Variants in MAX observed in about 807,000 individuals in gnomAD.
MAX encodes the protein protein max.
Under a neutral mutation model 22.3 loss-of-function variants are expected in MAX, and 3 were observed. That is an observed-to-expected ratio of 0.13 (90% CI 0.06 to 0.35). The LOEUF (loss-of-function observed/expected upper bound fraction) is 0.35. MAX is among the 10% of genes least tolerant of loss of function. MAX has a pLI of 1.00. For synonymous variants in MAX, 72 were observed against 77.7 expected, an observed-to-expected ratio of 0.93 and a Z score of 0.39; for missense variants, 119 against 209.4, an observed-to-expected ratio of 0.57 and a Z score of 2.66.
At chr14:65,071,410 C>CCAAGTATT (rs2062987453), downstream of MAX, among the ~76,000 whole-genome samples, 2 of 152,194 alleles carry the variant, frequency 1.3e-5, no homozygotes, top group African/African-American at 4.8e-5. The surrounding 1 kb of genome is among the most constrained non-coding windows in gnomAD (Gnocchi z 4.2). Context: ...TCCCAAAGTG[C>CCAAGTATT]TGATATTACA....
chr14:65,019,225 G>A (rs1186160968), intron 3 of MAX, among the ~76,000 whole-genome samples: 1 of 151,920 alleles, frequency 6.6e-6, no homozygotes, highest in Non-Finnish European at 1.5e-5. Flanking sequence ...AGTGGCTCAT[G>A]GCTGTAATCC....
Position 65,093,610 on chromosome 14 carries a change from G to T in MAX, c.171+98C>A. ...GCAACCATGCTACCTGAATATCTCT[G>T]ACTACATTTCCTTCCCAATAGGTGA... On this transcript the variant is annotated intron_variant, in intron 3 of 4. Transcript: ENST00000358664. The surrounding 1 kb of genome is among the most constrained non-coding windows in gnomAD (Gnocchi z 4.4). 1 of 763,366 alleles carries T rather than the reference G, an allele frequency of 1.3e-6. No individual in the cohort carries two copies. The highest frequency in any genetic ancestry group is 2.4e-6 in the Non-Finnish European group (1 of 414,706). The allele number at this position is 763,366 out of a possible 1,614,324, so 47.3% of individuals were successfully genotyped here. A position where few individuals can be genotyped will look rare whatever the true frequency, so the allele number is the denominator to read the frequency against.
downstream of MAX, chr14:65,006,101 C>T (rs1471480955): frequency 1.9e-6 from 3 of 1,579,058 alleles, no homozygotes; most frequent in Non-Finnish European, 2.6e-6. Context: ...TCTCTAGGTA[C>T]TTCTGCTTAC....
chr14:65,101,410 C>G (rs527602738), intron 2 of MAX, 136 bp downstream of exon 2: 1 of 787,518 alleles, frequency 1.3e-6, no homozygotes, highest in African/African-American at 1.8e-5. Context: ...AGAACCAGGC[C>G]CCACCTCACC....
Position 65,076,442 on chromosome 14 carries a change from A to T in MAX, c.*34T>A. The T allele has an allele frequency of 1.2e-6, 2 of 1,612,400 alleles. No individual in the cohort carries two copies. The highest frequency in any genetic ancestry group is 8.5e-7 in the Non-Finnish European group (1 of 1,180,022). ...GAAAGGAGGATGAGACGATGGAGAC[A>T]GACAGTTTTTATTGCTGGCCTGCCC... On this transcript the variant is annotated 3_prime_UTR_variant, in exon 5 of 5. Transcript: ENST00000358664. This position sits in a 1 kb window ranked among gnomAD's most constrained non-coding sequence, Gnocchi z 6.6.
intron 2 of MAX, among the ~76,000 whole-genome samples, chr14:65,100,422 C>G (rs1447184782): frequency 2.0e-5 from 3 of 152,086 alleles, no homozygotes; most frequent in African/African-American, 7.2e-5. Flanking sequence ...TGCACTCCAG[C>G]CTGGTGACAG....
intron 3 of MAX, among the ~76,000 whole-genome samples, chr14:65,059,596 G>A (rs2062815544): frequency 6.6e-6 from 1 of 151,844 alleles, no homozygotes; most frequent in Non-Finnish European, 1.5e-5. Flanking sequence ...GTTGCTCCTA[G>A]TATTCTCTCA....
Position 65,032,602 on chromosome 14 carries a change from C to G in MAX, c.172-26318G>C. The G allele has an allele frequency of 6.2e-7, 1 of 1,613,108 alleles. No individual in the cohort carries two copies. On this transcript the variant is annotated intron_variant, in intron 3 of 3. Coordinates refer to the MAX transcript ENST00000341653. This position sits in a 1 kb window ranked among gnomAD's most constrained non-coding sequence, Gnocchi z 5.0. ...AGCTTAATGTGTTTCCCGTTTCTGTCTTTCCAGAAGCGCATACTGTGCTGC... is the reference window on the plus strand; with the variant it reads ...AGCTTAATGTGTTTCCCGTTTCTGTGTTTCCAGAAGCGCATACTGTGCTGC...
intron 3 of MAX, among the ~76,000 whole-genome samples, chr14:65,063,535 G>C (rs1040060879): frequency 6.6e-6 from 1 of 152,120 alleles, no homozygotes; most frequent in African/African-American, 2.4e-5. Flanking sequence ...AGGGTTTCCT[G>C]ACAGCCCTCA....
In MAX at chr14:65,028,250, G is replaced by C. The variant is rs2062019495; in HGVS notation, c.172-21966C>G. On this transcript the variant is annotated intron_variant, in intron 3 of 3. Transcript: ENST00000341653. This position sits in a 1 kb window ranked among gnomAD's most constrained non-coding sequence, Gnocchi z 4.4. ...TTCTGGGAGGTGCAGAGAGCCTTGT[G>C]GGCCGGGAGAGTGCAGTGCAATAAA... 6.6e-6 allele frequency among the ~76,000 whole-genome samples: 1 copy of C among 152,118 alleles called. No homozygotes were observed. Among genetic ancestry groups the C allele is most frequent in the Non-Finnish European group, 1.5e-5 (1 of 68,022 alleles).
intron 3 of MAX, among the ~76,000 whole-genome samples, chr14:65,026,285 A>G (rs1035551288): frequency 1.3e-5 from 2 of 152,198 alleles, no homozygotes; most frequent in African/African-American, 2.4e-5. Context: ...AAGACCCCGG[A>G]CTGATGATAG....
At position 65,027,374 on chromosome 14, in the gene MAX, G is replaced by A; in HGVS notation, c.172-21090C>T. 6.3e-7 allele frequency: 1 copy of A among 1,579,662 alleles called. No homozygotes were observed. Among genetic ancestry groups the A allele is most frequent in the Non-Finnish European group, 8.6e-7 (1 of 1,162,726 alleles). ...GAGGGAGTGGGGGATCATTGGAAAG[G>A]CCTGGAATCTAGTGGGAATTTGGTG... is the stretch of plus-strand genomic sequence containing the variant. On this transcript the variant is annotated intron_variant, in intron 3 of 3. Coordinates refer to the MAX transcript ENST00000341653. This position sits in a 1 kb window ranked among gnomAD's most constrained non-coding sequence, Gnocchi z 5.7.
rs1181225967 is a variant in MAX at position 65,044,713 on chromosome 14, G to A, written c.172-38429C>T. ...GCTACGGGGAGCGGGGAGGAAGTGGGCGCTGCTTCTGCGTTATCTGGAAGG... is the reference window on the plus strand; with the variant it reads ...GCTACGGGGAGCGGGGAGGAAGTGGACGCTGCTTCTGCGTTATCTGGAAGG... On this transcript the variant is annotated intron_variant, in intron 3 of 3. Coordinates refer to the MAX transcript ENST00000341653. The surrounding 1 kb of genome is among the most constrained non-coding windows in gnomAD (Gnocchi z 5.5). 2.1e-6 allele frequency: 1 copy of A among 477,912 alleles called. No individual in the cohort carries two copies. Among genetic ancestry groups the A allele is most frequent in the Non-Finnish European group, 3.6e-6 (1 of 281,450 alleles). 29.6% of individuals were successfully genotyped at this position (477,912 alleles called of 1,614,324 possible). A position where few individuals can be genotyped will look rare whatever the true frequency, so the allele number is the denominator to read the frequency against.
Position 65,009,007 on chromosome 14 carries a change from C to A in MAX, c.172-2723G>T, listed in dbSNP as rs1045882681. Among the ~76,000 whole-genome samples the A allele has an allele frequency of 6.6e-6, 1 of 152,156 alleles. No homozygotes were observed. The highest frequency in any genetic ancestry group is 2.4e-5 in the African/African-American group (1 of 41,414). ...CATCCCACCCTGCACCCCCTCAAGTCCTGCACGAAACCTGTCTTATTCTGC... is the reference window on the plus strand; with the variant it reads ...CATCCCACCCTGCACCCCCTCAAGTACTGCACGAAACCTGTCTTATTCTGC... On this transcript the variant is annotated intron_variant, in intron 3 of 3. Coordinates refer to the MAX transcript ENST00000341653. This position sits in a 1 kb window ranked among gnomAD's most constrained non-coding sequence, Gnocchi z 4.2.
At chr14:65,042,487 C>A (rs902011622) in intron 3 of MAX, among the ~76,000 whole-genome samples, 2 of 152,176 alleles carry the variant, frequency 1.3e-5, no homozygotes, top group Admixed American at 1.3e-4. Flanking sequence ...AATGCTGCTG[C>A]TGATCTGTCA....
chr14:65,063,324 C>T (rs559814425), intron 3 of MAX, among the ~76,000 whole-genome samples: 21 of 152,334 alleles, frequency 1.4e-4, no homozygotes, highest in Non-Finnish European at 2.9e-4. Context: ...CACTCGGAGC[C>T]TCAAGGTATT....
rs146733960 is a variant in MAX at position 65,024,291 on chromosome 14, C to T, written c.172-18007G>A. ...ACCTGGGTCCCACCCATAGTGATTCCGGTTTAATTGGAATTAGGTGTGGCT... is the reference window on the plus strand; with the variant it reads ...ACCTGGGTCCCACCCATAGTGATTCTGGTTTAATTGGAATTAGGTGTGGCT... On this transcript the variant is annotated intron_variant, in intron 3 of 3. Coordinates refer to the MAX transcript ENST00000341653. 6.8e-4 allele frequency among the ~76,000 whole-genome samples: 104 copies of T among 151,936 alleles called. 1 individual carries two copies. In the Middle Eastern group the frequency reaches 0.01, roughly 15 times the overall value.
Position 65,076,479 on chromosome 14 carries a change from G to C in MAX, c.480C>G (p.Ser160Arg). 6.2e-7 allele frequency: 1 copy of C among 1,613,330 alleles called. No individual in the cohort carries two copies. The highest frequency in any genetic ancestry group is 8.5e-7 in the Non-Finnish European group (1 of 1,180,024). ...QSRKKLRMEAS is the reference protein window; with the variant it reads ...QSRKKLRMEAR ...TTGCTGGCCTGCCCCGAGTGGCTTA[G>C]CTGGCCTCCATCCGGAGCTTCTTCC... is the stretch of plus-strand genomic sequence containing the variant. Residue 160 changes from serine (S) to arginine (R), a missense_variant, in exon 5 of 5, where the codon AGC becomes AGG. This residue lies in a region of MAX where 95 missense variants were observed against 148.1 expected (regional missense o/e 0.64). Coordinates refer to ENST00000358664, the MANE Select transcript of MAX (RefSeq NM_002382.5). The surrounding 1 kb of genome is among the most constrained non-coding windows in gnomAD (Gnocchi z 6.6).
intron 3 of MAX, among the ~76,000 whole-genome samples, chr14:65,059,135 G>A (rs1352819548): frequency 6.6e-6 from 1 of 152,050 alleles, no homozygotes; most frequent in Non-Finnish European, 1.5e-5. Context: ...CTATCCTCCT[G>A]CCTTAGCCTC....
Sources: allele counts gnomAD v4.1 joint callset (sites outside exome capture counted in the v4.1 genomes callset), GRCh38; gene constraint gnomAD v4.1.1; regional missense constraint gnomAD v4.1.1; non-coding constraint Gnocchi (gnomAD v3.1); transcripts MANE v1.5; gene names NCBI Gene and HGNC (gene_info 2026-07-23, HGNC 2026-07-21).